The following MSI1 variants were observed in gnomAD, a reference collection of about 807,000 sequenced individuals.
The protein encoded by MSI1 is RNA-binding protein Musashi homolog 1.
MSI1 carries 15 observed loss-of-function variants against 54.4 expected under a neutral mutation model. The ratio of observed to expected loss-of-function variants is 0.28; its 90% CI spans 0.18 to 0.42. The LOEUF (loss-of-function observed/expected upper bound fraction) is 0.42, where lower values mean the gene tolerates loss of function less well. MSI1 is among the 20% of genes least tolerant of loss of function. The probability of loss-of-function intolerance (pLI) is 1.00; values close to 1 mark genes in which losing one functional copy is unlikely to be tolerated. For missense variants in MSI1, 304 were observed against 506.0 expected, an observed-to-expected ratio of 0.60 and a Z score of 3.83; for synonymous variants, 200 against 196.5, an observed-to-expected ratio of 1.02 and a Z score of -0.15.
rs1308803433 is a variant in MSI1 at position 120,368,784 on chromosome 12, G to A, written c.100+49C>T. Reference sequence around the variant, plus strand: ...GGGTGTCCGGGTCCGGGGCGCCGGGGGGTCCGGGGTGCCCTGCCGGACCGG... The same window carrying A: ...GGGTGTCCGGGTCCGGGGCGCCGGGAGGTCCGGGGTGCCCTGCCGGACCGG... On this transcript the variant is annotated intron_variant, in intron 2 of 14. Coordinates refer to ENST00000257552, the MANE Select transcript of MSI1 (RefSeq NM_002442.4). This position sits in a 1 kb window ranked among gnomAD's most constrained non-coding sequence, Gnocchi z 6.6. 1.5e-6 allele frequency: 2 copies of A among 1,378,268 alleles called. No individual in the cohort carries two copies. Among genetic ancestry groups the A allele is most frequent in the South Asian group, 3.1e-5 (2 of 65,150 alleles). 85.4% of individuals were successfully genotyped at this position (1,378,268 alleles called of 1,614,324 possible).
intron 5 of MSI1, 148 bp from the exon 6 acceptor site, chr12:120,363,283 CT>C (rs1267969898): frequency 1.6e-6 from 1 of 624,884 alleles, no homozygotes; most frequent in East Asian, 2.9e-5. Context: ...CAAGCTCCCT[CT>C]TGGACCCCCG....
In MSI1 at chr12:120,368,319, T is replaced by A. The variant is rs1424536795; in HGVS notation, c.101-46A>T. 5.7e-6 allele frequency: 8 copies of A among 1,410,622 alleles called. No homozygotes were observed. The South Asian group carries it at 8.8e-5, about 16-fold the overall frequency. The allele number at this position is 1,410,622 out of a possible 1,614,324, so 87.4% of individuals were successfully genotyped here. On this transcript the variant is annotated intron_variant, in intron 2 of 14. Transcript: ENST00000257552. The surrounding 1 kb of genome is among the most constrained non-coding windows in gnomAD (Gnocchi z 6.6). ...TCGGACCAGCCCGGGCCCCGCGCCC[T>A]TCCCCCCCCCCCGTCCTTTGCCCCC...
At chr12:120,347,605 C>G in intron 11 of MSI1, 91 bp from the exon 12 acceptor site, 1 of 1,493,514 alleles carries the variant, frequency 6.7e-7, no homozygotes, top group Admixed American at 1.7e-5. Flanking sequence ...GCCTGTCCAG[C>G]CTGGCCCTAC....
At chr12:120,343,506 G>A (rs2136881909) in intron 14 of MSI1, among the ~76,000 whole-genome samples, 1 of 152,144 alleles carries the variant, frequency 6.6e-6, no homozygotes. Flanking sequence ...TTACGAATGT[G>A]AGCCACCACA....
intron 13 of MSI1, 53 bp downstream of exon 13, chr12:120,346,082 G>C (rs1337615121): frequency 7.1e-7 from 1 of 1,407,010 alleles, no homozygotes; most frequent in African/African-American, 1.5e-5. Context: ...CCAACTTGGG[G>C]GTCTCTCAAG....
Position 120,368,059 on chromosome 12 carries a change from C to A in MSI1, c.216G>T (p.Ala72=), listed in dbSNP as rs77432606. The A allele has an allele frequency of 1.2e-6, 2 of 1,613,684 alleles. No individual in the cohort carries two copies. The highest frequency in any genetic ancestry group is 1.7e-6 in the Non-Finnish European group (2 of 1,179,940). ...GFGFVTFMDQ[A]GVDKVLAQSR... ...ATTGCGCCAGCACTTTATCCACCCC[C>A]GCCTGGTCCATGAAAGTGACGAAGC... Residue 72 remains alanine (A), a synonymous_variant, in exon 4 of 15, where the codon GCG becomes GCT. Coordinates refer to ENST00000257552, the MANE Select transcript of MSI1 (RefSeq NM_002442.4). The surrounding 1 kb of genome is among the most constrained non-coding windows in gnomAD (Gnocchi z 6.6).
At chr12:120,353,531 C>G in intron 9 of MSI1, 152 bp from the exon 10 acceptor site, 1 of 709,410 alleles carries the variant, frequency 1.4e-6, no homozygotes, top group Non-Finnish European at 2.5e-6. Flanking sequence ...AAGCCCTGTG[C>G]CAAGCACACT....
At chr12:120,356,855 G>A (rs1875169063) in intron 9 of MSI1, 47 bp downstream of exon 9, 2 of 1,543,286 alleles carry the variant, frequency 1.3e-6, no homozygotes, top group Non-Finnish European at 1.8e-6. Flanking sequence ...GCTAGTCCTG[G>A]GAGCAGTTCT....
intron 13 of MSI1, 69 bp from the exon 14 acceptor site, chr12:120,345,701 C>CT: frequency 6.3e-7 from 1 of 1,580,302 alleles, no homozygotes; most frequent in South Asian, 1.1e-5. Context: ...CCTTCTCTCT[C>CT]TGCAGGACAT....
intron 10 of MSI1, among the ~76,000 whole-genome samples, chr12:120,352,308 C>T (rs991162948): frequency 1.3e-5 from 2 of 152,074 alleles, no homozygotes; most frequent in African/African-American, 4.8e-5. Context: ...TGTCCAGGCT[C>T]GGGTGTCTCT....
chr12:120,364,598 A>T, intron 5 of MSI1, 116 bp downstream of exon 5: 1 of 1,040,520 alleles, frequency 9.6e-7, no homozygotes, highest in Non-Finnish European at 1.4e-6. Context: ...AGCCCATTCC[A>T]CAAACACTCC....
At chr12:120,355,428 A>G (rs1459517776) in intron 9 of MSI1, among the ~76,000 whole-genome samples, 1 of 152,050 alleles carries the variant, frequency 6.6e-6, no homozygotes, top group Non-Finnish European at 1.5e-5. Flanking sequence ...AAGAAAGAAA[A>G]AAATATTGTA....
At chr12:120,357,653 GCAC>G (rs1489719145) in intron 8 of MSI1, among the ~76,000 whole-genome samples, 160 bp downstream of exon 8, 1 of 152,038 alleles carries the variant, frequency 6.6e-6, no homozygotes. Context: ...TTACAGGCAC[GCAC>G]CACCATGCCT....
In MSI1 at chr12:120,360,560, C is replaced by T. The variant is rs1875549739; in HGVS notation, c.403-1507G>A. Among the ~76,000 whole-genome samples, 3 of 152,342 alleles carry T rather than the reference C, an allele frequency of 2.0e-5. No individual in the cohort carries two copies. In the South Asian group the frequency reaches 6.2e-4, roughly 32 times the overall value. On this transcript the variant is annotated intron_variant, in intron 6 of 14. Coordinates refer to ENST00000257552, the MANE Select transcript of MSI1 (RefSeq NM_002442.4). Reference sequence around the variant, plus strand: ...GAGTCCCAATCCCAAATCAGCTGGACCACCCGAATGGGACAATCATTTCAG... The same window carrying T: ...GAGTCCCAATCCCAAATCAGCTGGATCACCCGAATGGGACAATCATTTCAG...
chr12:120,352,436 T>C (rs1044319072), intron 10 of MSI1, among the ~76,000 whole-genome samples: 1 of 152,062 alleles, frequency 6.6e-6, no homozygotes, highest in African/African-American at 2.4e-5. Flanking sequence ...CTAGAATAGG[T>C]AGAATAGGTC....
chr12:120,345,686 G>A (rs1874052567), intron 13 of MSI1, 54 bp from the exon 14 acceptor site: 1 of 1,599,860 alleles, frequency 6.3e-7, no homozygotes. Flanking sequence ...GGAAGATCAG[G>A]GGCTCCTTCT....
intron 6 of MSI1, among the ~76,000 whole-genome samples, chr12:120,361,692 T>G (rs1222310026): frequency 6.6e-6 from 1 of 150,650 alleles, no homozygotes; most frequent in Non-Finnish European, 1.5e-5. Flanking sequence ...CTGACCATTG[T>G]TCCCCCCTCG....
chr12:120,353,721 C>A (rs1874838466), intron 9 of MSI1, among the ~76,000 whole-genome samples: 1 of 152,228 alleles, frequency 6.6e-6, no homozygotes, highest in African/African-American at 2.4e-5. Context: ...CTCCTCCCTC[C>A]CTCTGCTCCA....
intron 8 of MSI1, 99 bp from the exon 9 acceptor site, chr12:120,357,118 G>C: frequency 9.1e-7 from 1 of 1,095,892 alleles, no homozygotes; most frequent in East Asian, 2.4e-5. Context: ...TAATTTCACT[G>C]TCCAGCTGAA....
Sources: gnomAD v4.1 joint callset for allele counts (sites outside exome capture counted in the v4.1 genomes callset) on GRCh38, gnomAD v4.1.1 for gene constraint, Gnocchi (gnomAD v3.1) non-coding constraint, MANE v1.5 for transcripts, NCBI Gene and HGNC (gene_info 2026-07-23, HGNC 2026-07-21) for gene names.